GLCE: variants seen among roughly 807,000 people sequenced by gnomAD.
The protein encoded by GLCE is glucuronic acid epimerase.
Under a neutral mutation model 47.9 loss-of-function variants are expected in GLCE, and 19 were observed. The observed-to-expected ratio is 0.40, with a 90% CI of 0.28 to 0.58. GLCE has a LOEUF of 0.58. GLCE is among the 20% of genes least tolerant of loss of function. The pLI is 0.48. For synonymous variants in GLCE, 245 were observed against 263.4 expected, an observed-to-expected ratio of 0.93 and a Z score of 0.68; for missense variants, 556 against 743.3, an observed-to-expected ratio of 0.75 and a Z score of 2.93.
rs545688611 is a variant in GLCE, at chr15:69,240,283, C to CAAAAAAA, written c.-13-15490_-13-15484dup. Among the ~76,000 whole-genome samples the CAAAAAAA allele has an allele frequency of 1.6e-3, 29 of 18,236 alleles. 1 individual carries two copies. Among genetic ancestry groups the CAAAAAAA allele is most frequent in the East Asian group, 4.8e-3 (2 of 414 alleles). 12.0% of individuals were successfully genotyped at this position (18,236 alleles called of 152,430 possible). ...TGGGCGACAGAGCGAGACTCCGTCT[C>CAAAAAAA]AAAAAAAAAAAAAAAAAAAAAAAAA... On this transcript the variant is annotated intron_variant, in intron 2 of 4. Transcript: ENST00000261858.
At chr15:69,162,152 T>C (rs1566943503) in intron 1 of GLCE, among the ~76,000 whole-genome samples, 1 of 152,242 alleles carries the variant, frequency 6.6e-6, no homozygotes, top group Non-Finnish European at 1.5e-5. Context: ...AAACGTTTTC[T>C]GTGACCTGTA....
At chr15:69,174,803 TC>T (rs1178956264) in intron 1 of GLCE, among the ~76,000 whole-genome samples, 14 of 152,216 alleles carry the variant, frequency 9.2e-5, no homozygotes, top group Admixed American at 6.5e-5. Context: ...ATACTCTCTT[TC>T]TTTAAGCCCA....
intron 2 of GLCE, among the ~76,000 whole-genome samples, chr15:69,226,300 G>A (rs1464478952): frequency 6.6e-6 from 1 of 152,096 alleles, no homozygotes; most frequent in Non-Finnish European, 1.5e-5. Flanking sequence ...TGCTGTTGTT[G>A]GAAGTGTTAG....
At chr15:69,235,297 G>A (rs529216024) in intron 2 of GLCE, among the ~76,000 whole-genome samples, 74 of 151,668 alleles carry the variant, frequency 4.9e-4, no homozygotes, top group Admixed American at 3.4e-3. Flanking sequence ...TAGTAGAGAC[G>A]AGGTTTCGCC....
chr15:69,176,635 A>C (rs2140335544), intron 1 of GLCE, among the ~76,000 whole-genome samples: 1 of 152,328 alleles, frequency 6.6e-6, no homozygotes, highest in East Asian at 1.9e-4. Context: ...ACATTAACTT[A>C]GCATAAAGGG....
chr15:69,269,351 T>C lies in GLCE; in HGVS notation c.*107T>C. ...TAAAAGGTTATGTACTAGGTTTTTG[T>C]GGATTCTATCAAAGTGATAAGTGAT... On this transcript the variant is annotated 3_prime_UTR_variant, in exon 5 of 5. Transcript: ENST00000261858. 1.2e-6 allele frequency: 1 copy of C among 850,614 alleles called. No homozygotes were observed. Among genetic ancestry groups the C allele is most frequent in the Non-Finnish European group, 1.8e-6 (1 of 540,572 alleles). The allele number at this position is 850,614 out of a possible 1,614,324, so 52.7% of individuals were successfully genotyped here.
chr15:69,177,252 CAG>C (rs34787989), intron 1 of GLCE, among the ~76,000 whole-genome samples: 18,472 of 151,996 alleles, frequency 0.12, 1,173 homozygotes, highest in East Asian at 0.16. Flanking sequence ...TTAGTAGAGA[CAG>C]AGTTTTGCCA....
At chr15:69,189,521 C>T (rs549532017) in intron 1 of GLCE, among the ~76,000 whole-genome samples, 8 of 152,228 alleles carry the variant, frequency 5.3e-5, no homozygotes, top group East Asian at 3.9e-4. Context: ...CATACGTTTT[C>T]GACTCATTTG....
intron 2 of GLCE, among the ~76,000 whole-genome samples, chr15:69,236,500 T>C (rs1469662242): frequency 6.6e-6 from 1 of 152,154 alleles, no homozygotes; most frequent in African/African-American, 2.4e-5. Context: ...CAGGGAAATG[T>C]AGTATAATGG....
chr15:69,235,090 A>AATCTTTTTTTTTTTTTTT lies in GLCE; in HGVS notation c.-13-20704_-13-20703insATCTTTTTTTTTTTTTTT, dbSNP rs1163529945. On this transcript the variant is annotated intron_variant, in intron 2 of 4. Transcript: ENST00000261858. ...GAACTGATACAGATAGATGAAGATT[A>AATCTTTTTTTTTTTTTTT]TTCTTTTTTTTTTTTTTTTTTTTTT... Among the ~76,000 whole-genome samples the AATCTTTTTTTTTTTTTTT allele has an allele frequency of 4.8e-5, 4 of 82,488 alleles. 1 individual carries two copies. Among genetic ancestry groups the AATCTTTTTTTTTTTTTTT allele is most frequent in the African/African-American group, 1.1e-4 (2 of 17,666 alleles). 54.1% of individuals were successfully genotyped at this position (82,488 alleles called of 152,430 possible).
At chr15:69,258,382 A>G (rs952908368) in intron 3 of GLCE, among the ~76,000 whole-genome samples, 5 of 152,194 alleles carry the variant, frequency 3.3e-5, no homozygotes, top group African/African-American at 1.2e-4. Flanking sequence ...AATTCAGATC[A>G]TACTGTATGG....
In GLCE at chr15:69,211,698, T is replaced by C. The variant is rs545874420; in HGVS notation, c.-14+1292T>C. Reference sequence around the variant, plus strand: ...AAGTTAGAATTTCCAACCAATATCATAAAGGAATTTCTCTGTTCAGGGCAC... The same window carrying C: ...AAGTTAGAATTTCCAACCAATATCACAAAGGAATTTCTCTGTTCAGGGCAC... On this transcript the variant is annotated intron_variant, in intron 2 of 4. Transcript: ENST00000261858. 2.0e-5 allele frequency among the ~76,000 whole-genome samples: 3 copies of C among 152,046 alleles called. No homozygotes were observed. In the South Asian group the frequency reaches 6.2e-4, roughly 32 times the overall value.
At chr15:69,195,195 T>C (rs1166646783) in intron 1 of GLCE, among the ~76,000 whole-genome samples, 1 of 152,132 alleles carries the variant, frequency 6.6e-6, no homozygotes, top group African/African-American at 2.4e-5. Context: ...ACTTGGGAAA[T>C]GTGTAAAGAA....
At chr15:69,167,523 A>G (rs1239168820) in intron 1 of GLCE, among the ~76,000 whole-genome samples, 2 of 152,234 alleles carry the variant, frequency 1.3e-5, no homozygotes, top group African/African-American at 4.8e-5. Context: ...TATTAGCATC[A>G]GTCTTACCAG....
At chr15:69,219,833 C>T (rs952683748) in intron 2 of GLCE, among the ~76,000 whole-genome samples, 4 of 152,016 alleles carry the variant, frequency 2.6e-5, no homozygotes, top group African/African-American at 9.7e-5. Flanking sequence ...ATTACTCTTT[C>T]AATCTTGTAA....
chr15:69,206,461 A>G (rs2052153883), intron 1 of GLCE, among the ~76,000 whole-genome samples: 2 of 152,048 alleles, frequency 1.3e-5, no homozygotes. Context: ...TGGATAGGGT[A>G]TATCTATATG....
At chr15:69,235,063 A>G (rs1348286298) in intron 2 of GLCE, among the ~76,000 whole-genome samples, 1 of 146,912 alleles carries the variant, frequency 6.8e-6, no homozygotes, top group East Asian at 2.1e-4. Context: ...TGTTGATTAA[A>G]TGAACTGATA....
chr15:69,202,340 A>G (rs1202260316), intron 1 of GLCE, among the ~76,000 whole-genome samples: 12 of 152,144 alleles, frequency 7.9e-5, no homozygotes, highest in Admixed American at 7.2e-4. Flanking sequence ...GAAGCAAATT[A>G]AAATAAATTT....
At chr15:69,168,146 G>T (rs2051533032) in intron 1 of GLCE, among the ~76,000 whole-genome samples, 1 of 152,028 alleles carries the variant, frequency 6.6e-6, no homozygotes, top group Admixed American at 6.5e-5. Flanking sequence ...AAAAAAAAGT[G>T]TAAGAGCCGG....
Sources: allele counts gnomAD v4.1 joint callset (sites outside exome capture counted in the v4.1 genomes callset), GRCh38; gene constraint gnomAD v4.1.1; transcripts MANE v1.5; gene names NCBI Gene and HGNC (gene_info 2026-07-23, HGNC 2026-07-21).